Variants in ZNF281 observed in about 807,000 individuals in gnomAD.
ZNF281 encodes the protein zinc finger protein 281.
ZNF281 carries 2 observed loss-of-function variants against 58.8 expected under a neutral mutation model. The observed-to-expected ratio is 0.03, with a 90% CI of 0.01 to 0.11. The LOEUF is 0.11. Ranked by LOEUF, ZNF281 falls within the 10% of genes least tolerant of loss-of-function variation. The pLI is 1.00. For synonymous variants in ZNF281, 465 were observed against 407.7 expected, an observed-to-expected ratio of 1.14 and a Z score of -1.69; for missense variants, 975 against 1,090.7, an observed-to-expected ratio of 0.89 and a Z score of 1.49.
chr1:200,406,848 T>C lies in ZNF281; in HGVS notation c.*170A>G. The C allele has an allele frequency of 6.9e-6, 4 of 580,326 alleles. No homozygotes were observed. Among genetic ancestry groups the C allele is most frequent in the South Asian group, 3.3e-5 (1 of 30,550 alleles). The allele number at this position is 580,326 out of a possible 1,614,324, so 35.9% of individuals were successfully genotyped here. On this transcript the variant is annotated 3_prime_UTR_variant, in exon 2 of 2. Transcript: ENST00000367353. ...TATTGATTTTGATTAAAAATCATAA[T>C]ACAAACAGAGCTAAAATCACGCTAA... is the stretch of plus-strand genomic sequence containing the variant.
chr1:200,408,073 G>A lies in ZNF281; in HGVS notation c.1633C>T (p.Pro545Ser). 6.2e-7 allele frequency: 1 copy of A among 1,614,196 alleles called. No individual in the cohort carries two copies. The highest frequency in any genetic ancestry group is 1.6e-4 in the Middle Eastern group (1 of 6,062). ...AAGGCACTGTTGCTGCTGGCAGTTG[G>A]TAAATATCTTCTTTTCTTTGAAAAC... Reference protein sequence around the residue: ...MQFSKKRRYLPTASSNSAFSI... With the variant: ...MQFSKKRRYLSTASSNSAFSI... The change falls in exon 2 of 2, where the codon CCA (proline) becomes TCA (serine). Residue 545 changes from proline (P) to serine (S), a missense_variant. Physicochemically the swap from Pro to Ser is moderately conservative, Grantham distance 74. Transcript: ENST00000367353.
rs1249052123 is a variant in ZNF281, at chr1:200,405,145, T to C, written c.*1873A>G. 1.3e-5 allele frequency: 2 copies of C among 152,564 alleles called. No individual in the cohort carries two copies. Among genetic ancestry groups the C allele is most frequent in the Admixed American group, 1.3e-4 (2 of 15,290 alleles). The allele number at this position is 152,564 out of a possible 1,614,324, so 9.5% of individuals were successfully genotyped here. On this transcript the variant is annotated 3_prime_UTR_variant, in exon 2 of 2. Coordinates refer to ENST00000367353, the MANE Select transcript of ZNF281 (RefSeq NM_001281293.2). ...TCCTTTGATTACAGCTTGTACTCTG[T>C]ACTCAATAGAACTTACCGCACTTAC... is the stretch of plus-strand genomic sequence containing the variant.
chr1:200,408,929 T>C lies in ZNF281; in HGVS notation c.777A>G (p.Lys259=). The change falls in exon 2 of 2, where the codon AAA becomes AAG. Residue 259 remains lysine (K), a synonymous_variant. Coordinates refer to ENST00000367353, the MANE Select transcript of ZNF281 (RefSeq NM_001281293.2). ...GEGAILSPSQ[K]PHICDHCSAA... ...CACTACAGTGATCACAGATATGAGGTTTCTGACTTGGGGAGAGGATGGCAC... is the reference window on the plus strand; with the variant it reads ...CACTACAGTGATCACAGATATGAGGCTTCTGACTTGGGGAGAGGATGGCAC... 3 of 1,614,178 alleles carry C rather than the reference T, an allele frequency of 1.9e-6. No individual in the cohort carries two copies. Among genetic ancestry groups the C allele is most frequent in the Non-Finnish European group, 2.5e-6 (3 of 1,180,024 alleles).
At position 200,410,025 on chromosome 1, in the gene ZNF281, C is replaced by A; in HGVS notation, c.-98G>T. 1 of 465,506 alleles carries A rather than the reference C, an allele frequency of 2.1e-6. No homozygotes were observed. The highest frequency in any genetic ancestry group is 2.1e-5 in the African/African-American group (1 of 48,614). The allele number at this position is 465,506 out of a possible 1,614,324, so 28.8% of individuals were successfully genotyped here. ...TCCTCTCCACAATGGAATTAAAAGC[C>A]TCCCGTGTACTGCGCAGCCGCGGCG... is the stretch of plus-strand genomic sequence containing the variant. On this transcript the variant is annotated 5_prime_UTR_variant, in exon 1 of 2. The change creates a new upstream start codon in the 5' untranslated region. Transcript: ENST00000367353.
At chr1:200,409,816 G>A (rs1558006604) in intron 1 of ZNF281, 93 bp from the exon 2 acceptor site, 1 of 1,439,052 alleles carries the variant, frequency 6.9e-7, no homozygotes, top group African/African-American at 1.4e-5. Context: ...ACCCCGCCGC[G>A]CCGCCGCCCA....
rs139506639 is a variant in ZNF281, at chr1:200,408,731, C to T, written c.975G>A (p.Lys325=). The T allele has an allele frequency of 4.2e-5, 68 of 1,614,102 alleles. No homozygotes were observed. In the African/African-American group the frequency reaches 8.1e-4, roughly 19 times the overall value. Residue 325 remains lysine, a synonymous_variant, in exon 2 of 2, where the codon AAG becomes AAA. Coordinates refer to ENST00000367353, the MANE Select transcript of ZNF281 (RefSeq NM_001281293.2). ...TCTCCATATGGTACTTCTGAATAAACTTCATGCTGCACTGATCACATCCAA... is the reference window on the plus strand; with the variant it reads ...TCTCCATATGGTACTTCTGAATAAATTTCATGCTGCACTGATCACATCCAA... ...KPFGCDQCSM[K]FIQKYHMERH...
Position 200,405,264 on chromosome 1 carries a change from G to A in ZNF281, c.*1754C>T, listed in dbSNP as rs1488787661. On this transcript the variant is annotated 3_prime_UTR_variant, in exon 2 of 2. Transcript: ENST00000367353. ...GCAATGACAAGTTGGTGACCCTTTA[G>A]CTGCTAAAGCTAAAGGGAGGAAAGT... is the stretch of plus-strand genomic sequence containing the variant. The A allele has an allele frequency of 6.6e-6, 1 of 152,228 alleles. No individual in the cohort carries two copies. Among genetic ancestry groups the A allele is most frequent in the Non-Finnish European group, 1.5e-5 (1 of 68,034 alleles). The allele number at this position is 152,228 out of a possible 1,614,324, so 9.4% of individuals were successfully genotyped here.
chr1:200,409,063 C>T lies in ZNF281; in HGVS notation c.643G>A (p.Asp215Asn). The T allele has an allele frequency of 6.2e-7, 1 of 1,614,156 alleles. No homozygotes were observed. The highest frequency in any genetic ancestry group is 1.7e-5 in the Admixed American group (1 of 60,028). ...CTTTTTGCCTTTTTGACATTAGTGT[C>T]CTGCTTTGGCTCCTCAGTGCCATGG... is the stretch of plus-strand genomic sequence containing the variant. Reference protein sequence around the residue: ...DHHGTEEPKQDTNVKKAKRPK... With the variant: ...DHHGTEEPKQNTNVKKAKRPK... Residue 215 changes from aspartate (D) to asparagine (N), a missense_variant, in exon 2 of 2, where the codon GAC becomes AAC. Physicochemically the swap from Asp to Asn is conservative, Grantham distance 23. This residue lies in a region of ZNF281 where 370 missense variants were observed against 360.9 expected (regional missense o/e 1.03). Coordinates refer to ENST00000367353, the MANE Select transcript of ZNF281 (RefSeq NM_001281293.2).
Position 200,409,950 on chromosome 1 carries a change from C to CCCGCCGCCGCCGCAG in ZNF281, c.-38_-24dup. 2.3e-6 allele frequency: 1 copy of CCCGCCGCCGCCGCAG among 443,168 alleles called. No individual in the cohort carries two copies. Among genetic ancestry groups the CCCGCCGCCGCCGCAG allele is most frequent in the East Asian group, 4.3e-5 (1 of 23,484 alleles). 27.5% of individuals were successfully genotyped at this position (443,168 alleles called of 1,614,324 possible). On this transcript the variant is annotated 5_prime_UTR_variant, in exon 1 of 2. Transcript: ENST00000367353. ...GGACCCACCGGCAATACTTACGGGT[C>CCCGCCGCCGCCGCAG]CCGCCGCCGCCGCAGCCGCCGTCGC...
Position 200,407,321 on chromosome 1 carries a change from T to C in ZNF281, c.2385A>G (p.Lys795=). 2 of 1,614,142 alleles carry C rather than the reference T, an allele frequency of 1.2e-6. No individual in the cohort carries two copies. The highest frequency in any genetic ancestry group is 1.7e-6 in the Non-Finnish European group (2 of 1,180,036). ...SQKLTSQKEQ[K]NLESSTGFQI... ...GAAAGCCTGTTGAAGACTCTAAGTTTTTCTGTTCCTTCTGGCTAGTCAATT... is the reference window on the plus strand; with the variant it reads ...GAAAGCCTGTTGAAGACTCTAAGTTCTTCTGTTCCTTCTGGCTAGTCAATT... The change falls in exon 2 of 2, where the codon AAA becomes AAG. Residue 795 remains lysine, a synonymous_variant. Transcript: ENST00000367353.
At position 200,405,591 on chromosome 1, in the gene ZNF281, T is replaced by C. The variant is rs1654427310; in HGVS notation, c.*1427A>G. 6.6e-6 allele frequency: 1 copy of C among 152,204 alleles called. No individual in the cohort carries two copies. Among genetic ancestry groups the C allele is most frequent in the African/African-American group, 2.4e-5 (1 of 41,444 alleles). The allele number at this position is 152,204 out of a possible 1,614,324, so 9.4% of individuals were successfully genotyped here. On this transcript the variant is annotated 3_prime_UTR_variant, in exon 2 of 2. Transcript: ENST00000367353. Reference sequence around the variant, plus strand: ...AAATACAATTGCTAAAAAGCAGTTTTAGAGTAGAGCCACTGCCAATCAGTA... The same window carrying C: ...AAATACAATTGCTAAAAAGCAGTTTCAGAGTAGAGCCACTGCCAATCAGTA...
chr1:200,409,072 G>C lies in ZNF281; in HGVS notation c.634C>G (p.Pro212Ala). The change falls in exon 2 of 2, where the codon CCA (proline) becomes GCA (alanine). Residue 212 changes from proline to alanine, a missense_variant. By Grantham distance (27) the Pro-to-Ala change is conservative. Around this residue, in one of 3 missense-constraint regions of ZNF281, gnomAD observed 370 missense variants for 360.9 expected, o/e 1.03. Transcript: ENST00000367353. ...RTDDHHGTEE[P>A]KQDTNVKKAK... ...TTTTTGACATTAGTGTCCTGCTTTG[G>C]CTCCTCAGTGCCATGGTGGTCATCA... is the stretch of plus-strand genomic sequence containing the variant. 1 of 1,614,118 alleles carries C rather than the reference G, an allele frequency of 6.2e-7. No homozygotes were observed. Among genetic ancestry groups the C allele is most frequent in the Non-Finnish European group, 8.5e-7 (1 of 1,180,010 alleles).
In ZNF281 at chr1:200,407,763, T is replaced by A. The variant is rs746259579; in HGVS notation, c.1943A>T (p.Glu648Val). 6.2e-7 allele frequency: 1 copy of A among 1,614,054 alleles called. No individual in the cohort carries two copies. Among genetic ancestry groups the A allele is most frequent in the African/African-American group, 1.3e-5 (1 of 74,934 alleles). The change falls in exon 2 of 2, where the codon GAA (glutamate) becomes GTA (valine). Residue 648 changes from glutamate to valine, a missense_variant. Transcript: ENST00000367353. ...TGTTTGGGTGCCTGGGCTCAAATTT[T>A]CTTCTTGAACCAATTCTGAGTGTTC... ...SGEHSELVQE[E>V]NLSPGTQTPS...
chr1:200,410,016 A>G lies in ZNF281; in HGVS notation c.-89T>C, dbSNP rs1654579578. On this transcript the variant is annotated 5_prime_UTR_variant, in exon 1 of 2. Coordinates refer to ENST00000367353, the MANE Select transcript of ZNF281 (RefSeq NM_001281293.2). The stretch of plus-strand genomic sequence containing the variant: ...ATAACGCCGTCCTCTCCACAATGGA[A>G]TTAAAAGCCTCCCGTGTACTGCGCA... 1.9e-6 allele frequency: 1 copy of G among 517,406 alleles called. No homozygotes were observed. Among genetic ancestry groups the G allele is most frequent in the Non-Finnish European group, 3.4e-6 (1 of 290,808 alleles). The allele number at this position is 517,406 out of a possible 1,614,324, so 32.1% of individuals were successfully genotyped here. A position where few individuals can be genotyped will look rare whatever the true frequency, so the allele number is the denominator to read the frequency against.
chr1:200,408,045 G>A lies in ZNF281; in HGVS notation c.1661C>T (p.Ser554Phe). The A allele has an allele frequency of 6.2e-7, 1 of 1,614,204 alleles. No homozygotes were observed. The highest frequency in any genetic ancestry group is 8.5e-7 in the Non-Finnish European group (1 of 1,180,046). The change falls in exon 2 of 2, where the codon TCT (serine) becomes TTT (phenylalanine). Residue 554 changes from serine (S) to phenylalanine (F), a missense_variant. Transcript: ENST00000367353. ...GGAGACCATGTGTCCTACGTTTATA[G>A]AAAAGGCACTGTTGCTGCTGGCAGT... ...LPTASSNSAF[S>F]INVGHMVSQQ...
rs1437058317 is a variant in ZNF281, at chr1:200,409,606, C to T, written c.100G>A (p.Gly34Ser). 1.5e-5 allele frequency: 23 copies of T among 1,540,974 alleles called. No individual in the cohort carries two copies. In the East Asian group the frequency reaches 5.2e-4, roughly 35 times the overall value. The change falls in exon 2 of 2, where the codon GGC (glycine) becomes AGC (serine). Residue 34 changes from glycine (G) to serine (S), a missense_variant. Around this residue, in one of 3 missense-constraint regions of ZNF281, gnomAD observed 370 missense variants for 360.9 expected, o/e 1.03. Coordinates refer to ENST00000367353, the MANE Select transcript of ZNF281 (RefSeq NM_001281293.2). Reference sequence around the variant, plus strand: ...ATCTCTGCCCTCCTGCCGCTGCTGCCGCCGCCGCCGCCGCCGCCACTACCA... The same window carrying T: ...ATCTCTGCCCTCCTGCCGCTGCTGCTGCCGCCGCCGCCGCCGCCACTACCA... ...GGGSGGGGGG[G>S]SSGRRAEMEP...
chr1:200,409,348 A>C lies in ZNF281; in HGVS notation c.358T>G (p.Phe120Val), dbSNP rs1571696444. Reference protein sequence around the residue: ...AFPSQRTSWGFLQSLVSIKQE... With the variant: ...AFPSQRTSWGVLQSLVSIKQE... ...TTGATGCTAACCAAAGACTGCAAGA[A>C]CCCCCAGGAGGTCCTCTGCGAGGGG... Residue 120 changes from phenylalanine (F) to valine (V), a missense_variant, in exon 2 of 2, where the codon TTC becomes GTC. Transcript: ENST00000367353. 6.4e-6 allele frequency: 10 copies of C among 1,558,374 alleles called. No individual in the cohort carries two copies. Among genetic ancestry groups the C allele is most frequent in the Non-Finnish European group, 7.0e-6 (8 of 1,150,738 alleles).
In ZNF281 at chr1:200,407,594, C is replaced by T. The variant is rs1654488673; in HGVS notation, c.2112G>A (p.Leu704=). The part of the protein sequence containing the change: ...SLSSPLHNHT[L]FPEKQIYTTS... ...TAGTGTATATTTGTTTTTCTGGAAA[C>T]AAAGTGTGGTTGTGGAGAGGTGAAG... The change falls in exon 2 of 2, where the codon TTG becomes TTA. Residue 704 remains leucine (L), a synonymous_variant. Transcript: ENST00000367353. 1.2e-6 allele frequency: 2 copies of T among 1,614,066 alleles called. No homozygotes were observed. The highest frequency in any genetic ancestry group is 2.2e-5 in the South Asian group (2 of 91,090).
In ZNF281 at chr1:200,409,216, C is replaced by G. The variant is rs201399670; in HGVS notation, c.490G>C (p.Gly164Arg). 3 of 1,614,152 alleles carry G rather than the reference C, an allele frequency of 1.9e-6. No individual in the cohort carries two copies. The highest frequency in any genetic ancestry group is 1.1e-5 in the South Asian group (1 of 91,076). Residue 164 changes from glycine (G) to arginine (R), a missense_variant, in exon 2 of 2, where the codon GGA becomes CGA. This residue lies in a region of ZNF281 where 370 missense variants were observed against 360.9 expected (regional missense o/e 1.03). Transcript: ENST00000367353. ...AGAEERSPGL[G>R]GGEGGSHGVI... ...CCGTGACTCCCCCCTTCACCGCCTC[C>G]TAGGCCTGGAGACCTCTCTTCAGCT...
Sources: allele counts gnomAD v4.1 joint callset, GRCh38; gene constraint gnomAD v4.1.1; regional missense constraint gnomAD v4.1.1; transcripts MANE v1.5; gene names NCBI Gene and HGNC (gene_info 2026-07-23, HGNC 2026-07-21).